Variants in GALNTL6 observed in about 807,000 individuals in gnomAD.
GALNTL6 encodes the protein polypeptide N-acetylgalactosaminyltransferase like 6.
In GALNTL6, 46 loss-of-function variants were observed where a neutral mutation model predicts 73.7. The observed-to-expected ratio is 0.62, with a 90% CI of 0.49 to 0.80. The LOEUF (loss-of-function observed/expected upper bound fraction) is 0.80. Among genes scored for constraint, GALNTL6 ranks in the 30% least tolerant of loss-of-function variants. The probability of loss-of-function intolerance (pLI) is 0.00; values close to 1 mark genes in which losing one functional copy is unlikely to be tolerated. For missense variants in GALNTL6, 604 were observed against 755.0 expected, an observed-to-expected ratio of 0.80 and a Z score of 2.34; for synonymous variants, 259 against 263.7, an observed-to-expected ratio of 0.98 and a Z score of 0.17.
At chr4:172,653,597 C>T (rs938535088) in intron 5 of GALNTL6, among the ~76,000 whole-genome samples, 5 of 151,864 alleles carry the variant, frequency 3.3e-5, no homozygotes, top group Non-Finnish European at 7.4e-5. Flanking sequence ...TCTCTATATC[C>T]GAAGAAAGAG....
intron 2 of GALNTL6, among the ~76,000 whole-genome samples, chr4:171,898,680 C>A (rs1450566324): frequency 1.3e-5 from 2 of 151,882 alleles, no homozygotes; most frequent in African/African-American, 4.8e-5. Context: ...CTATCAGTTG[C>A]CTGGATCTGG....
At chr4:172,378,688 G>A (rs1743144569) in intron 5 of GALNTL6, among the ~76,000 whole-genome samples, 1 of 151,856 alleles carries the variant, frequency 6.6e-6, no homozygotes, top group Non-Finnish European at 1.5e-5. Flanking sequence ...CTTTAATGCT[G>A]AGTAATATCA....
intron 5 of GALNTL6, among the ~76,000 whole-genome samples, chr4:172,399,222 T>A (rs552947030): frequency 6.6e-6 from 1 of 152,262 alleles, no homozygotes; most frequent in East Asian, 1.9e-4. Context: ...TAACTCTGCA[T>A]GTATAGATTT....
At chr4:173,004,956 G>A (rs1188969627) in intron 10 of GALNTL6, among the ~76,000 whole-genome samples, 2 of 152,174 alleles carry the variant, frequency 1.3e-5, no homozygotes, top group Non-Finnish European at 2.9e-5. Flanking sequence ...AGCAGACCAT[G>A]CTGGCTCATT....
chr4:172,090,291 G>A (rs1732164698), intron 2 of GALNTL6, among the ~76,000 whole-genome samples: 1 of 152,126 alleles, frequency 6.6e-6, no homozygotes, highest in African/African-American at 2.4e-5. Flanking sequence ...CTTTCACAAT[G>A]GTTGAACTAA....
intron 2 of GALNTL6, among the ~76,000 whole-genome samples, chr4:172,156,555 A>ATATATATAGTATATATATATATATATAG (rs1560945715): frequency 1.8e-4 from 24 of 136,428 alleles, no homozygotes; most frequent in Middle Eastern, 3.7e-3. Context: ...ATATATATAT[A>ATATATATAGTATATATATATATATATAG]TATATATATA....
At chr4:172,992,594 A>G (rs867149895) in intron 10 of GALNTL6, among the ~76,000 whole-genome samples, 3 of 152,208 alleles carry the variant, frequency 2.0e-5, no homozygotes, top group South Asian at 4.1e-4. Context: ...CACACAACAT[A>G]TATGAATACA....
At chr4:172,191,863 A>G (rs1359070655) in intron 2 of GALNTL6, among the ~76,000 whole-genome samples, 5 of 152,182 alleles carry the variant, frequency 3.3e-5, no homozygotes, top group Admixed American at 3.3e-4. Context: ...TAAGCCATAG[A>G]CTATTGAGAC....
At chr4:172,144,383 A>G (rs1024071931) in intron 2 of GALNTL6, among the ~76,000 whole-genome samples, 11 of 152,218 alleles carry the variant, frequency 7.2e-5, no homozygotes, top group East Asian at 3.8e-4. Flanking sequence ...CATTTCTACT[A>G]CTATGTAACT....
At chr4:172,828,403 T>TA (rs1361721705) in intron 7 of GALNTL6, among the ~76,000 whole-genome samples, 1 of 152,022 alleles carries the variant, frequency 6.6e-6, no homozygotes, top group East Asian at 1.9e-4. Context: ...CCTGTCATCC[T>TA]ATGCCTCCCC....
At chr4:171,920,158 T>C (rs897585163) in intron 2 of GALNTL6, among the ~76,000 whole-genome samples, 1 of 151,734 alleles carries the variant, frequency 6.6e-6, no homozygotes, top group Non-Finnish European at 1.5e-5. Context: ...TTGTTCTCAC[T>C]CTTAGGTGGG....
At chr4:172,770,237 G>A (rs1579458549) in intron 5 of GALNTL6, among the ~76,000 whole-genome samples, 1 of 151,022 alleles carries the variant, frequency 6.6e-6, no homozygotes, top group Admixed American at 6.6e-5. Flanking sequence ...TTGCACTCCA[G>A]CCTGGGCAAT....
intron 2 of GALNTL6, among the ~76,000 whole-genome samples, chr4:171,973,660 G>A (rs1739635071): frequency 6.6e-6 from 1 of 152,084 alleles, no homozygotes; most frequent in South Asian, 2.1e-4. Context: ...GGGTACCAGG[G>A]ATTAAGACTT....
intron 2 of GALNTL6, among the ~76,000 whole-genome samples, chr4:171,923,828 T>TG (rs1737882530): frequency 1.6e-5 from 1 of 60,826 alleles, no homozygotes; most frequent in Non-Finnish European, 3.1e-5. Flanking sequence ...GTGTGTGTGT[T>TG]TGAAGTTCTT....
At chr4:172,698,507 T>G (rs1010413665) in intron 5 of GALNTL6, among the ~76,000 whole-genome samples, 2 of 152,104 alleles carry the variant, frequency 1.3e-5, no homozygotes, top group African/African-American at 4.8e-5. Context: ...TGGCCACACC[T>G]CTTCCTTTCC....
At chr4:172,314,106 G>A (rs1204848602) in intron 4 of GALNTL6, among the ~76,000 whole-genome samples, 1 of 152,166 alleles carries the variant, frequency 6.6e-6, no homozygotes, top group Non-Finnish European at 1.5e-5. Context: ...CTGTGTAAGT[G>A]ATCTTTGAAA....
intron 3 of GALNTL6, among the ~76,000 whole-genome samples, chr4:172,288,203 G>T (rs776842244): frequency 6.6e-6 from 1 of 151,110 alleles, no homozygotes; most frequent in Non-Finnish European, 1.5e-5. Context: ...CCATTCTTCC[G>T]CCTCAGCCTC....
intron 2 of GALNTL6, among the ~76,000 whole-genome samples, chr4:171,836,007 T>C (rs1284754370): frequency 6.6e-6 from 1 of 152,036 alleles, no homozygotes; most frequent in Non-Finnish European, 1.5e-5. Context: ...AGATTTTATG[T>C]AGTATTTGGA....
intron 5 of GALNTL6, among the ~76,000 whole-genome samples, chr4:172,678,625 C>T (rs1429924575): frequency 6.6e-6 from 1 of 152,134 alleles, no homozygotes; most frequent in Non-Finnish European, 1.5e-5. Context: ...TTTATTTTAC[C>T]ATCTTCTTTT....
Sources: allele counts gnomAD v4.1 joint callset (sites outside exome capture counted in the v4.1 genomes callset), GRCh38; gene constraint gnomAD v4.1.1; transcripts MANE v1.5; gene names NCBI Gene and HGNC (gene_info 2026-07-23, HGNC 2026-07-21).